Variants in MYO18B observed in about 807,000 individuals in gnomAD.
The protein encoded by MYO18B is myosin XVIIIB.
Under a neutral mutation model 273.0 loss-of-function variants are expected in MYO18B, and 204 were observed. The ratio of observed to expected loss-of-function variants is 0.75; its 90% CI spans 0.67 to 0.84. The LOEUF (loss-of-function observed/expected upper bound fraction) is 0.84, where lower values mean the gene tolerates loss of function less well. Ranked by LOEUF, MYO18B falls within the 40% of genes least tolerant of loss-of-function variation. MYO18B has a pLI of 0.00. For missense variants in MYO18B, 3,212 were observed against 3,287.6 expected (o/e 0.98, Z 0.56); for synonymous variants, 1,330 against 1,305.7 (o/e 1.02, Z -0.40).
At chr22:25,769,947 C>A in intron 4 of MYO18B, 163 bp from the exon 5 acceptor site, 2 of 683,144 alleles carry the variant, frequency 2.9e-6, no homozygotes, top group Non-Finnish European at 2.6e-6. Flanking sequence ...CCCGGGTCCG[C>A]AACGGGAATC....
chr22:25,952,837 C>A, intron 38 of MYO18B, among the ~76,000 whole-genome samples: 1 of 152,232 alleles, frequency 6.6e-6, no homozygotes, highest in Non-Finnish European at 1.5e-5. Flanking sequence ...GCCCAACACT[C>A]ATTTTGAACA....
At chr22:25,847,908 G>GTT (rs367899369) in intron 20 of MYO18B, among the ~76,000 whole-genome samples, 2,014 of 145,394 alleles carry the variant, frequency 0.014, 56 homozygotes, top group African/African-American at 0.047. Flanking sequence ...GAAGCCCACT[G>GTT]TTTTTTTTTT....
chr22:25,763,064 CCT>C (rs763137679), intron 2 of MYO18B, 165 bp from the exon 3 acceptor site: 3 of 805,836 alleles, frequency 3.7e-6, no homozygotes, highest in Non-Finnish European at 6.7e-6. Flanking sequence ...CAGGGACCCC[CCT>C]GAGTCGTGCT....
At chr22:26,062,272 C>G in the MYO18B span, among the ~76,000 whole-genome samples, 5 of 152,218 alleles carry the variant, frequency 3.3e-5, no homozygotes, top group African/African-American at 7.2e-5. Flanking sequence ...AGTTGTGTCC[C>G]CAGTGATTGA....
At chr22:26,045,373 G>GTGTACAAAAGGAGT in the MYO18B span, among the ~76,000 whole-genome samples, 13,771 of 152,116 alleles carry the variant, frequency 0.091, 689 homozygotes, top group Middle Eastern at 0.16. Flanking sequence ...GATGGTGAAA[G>GTGTACAAAAGGAGT]ACAAAAGGTG....
chr22:26,026,384 G>A (rs190701938), intron 42 of MYO18B, 61 bp from the exon 43 acceptor site: 57 of 1,537,250 alleles, frequency 3.7e-5, no homozygotes, highest in South Asian at 2.0e-4. Flanking sequence ...CTCTCACACC[G>A]ATTGCACAAA....
chr22:25,947,658 C>A (rs539512309), intron 35 of MYO18B, 54 bp from the exon 36 acceptor site: 2 of 1,382,600 alleles, frequency 1.4e-6, no homozygotes, highest in South Asian at 1.2e-5. Context: ...CTGGACCTTG[C>A]TGCCCATCCC....
At chr22:25,828,704 TG>T (rs2089587182) in intron 14 of MYO18B, 71 bp from the exon 15 acceptor site, 1 of 1,461,768 alleles carries the variant, frequency 6.8e-7, no homozygotes, top group Non-Finnish European at 9.3e-7. Flanking sequence ...CCAGTTCTGC[TG>T]GAGGCTTGGA....
At chr22:25,947,487 TACACACACACACACACACACACACACAC>T (rs57844236) in intron 35 of MYO18B, among the ~76,000 whole-genome samples, 197 bp from the exon 36 acceptor site, 7 of 110,616 alleles carry the variant, frequency 6.3e-5, no homozygotes, top group African/African-American at 1.0e-4. Flanking sequence ...TAATGCCTAA[TACACACACACACACACACACACACACAC>T]ACACACACAC....
chr22:25,997,303 G>A (rs1290770277), intron 40 of MYO18B, among the ~76,000 whole-genome samples: 3 of 47,716 alleles, frequency 6.3e-5, no homozygotes, highest in South Asian at 1.0e-3. Flanking sequence ...AAACTCTGTC[G>A]CCAAAAAAAA....
the MYO18B span, among the ~76,000 whole-genome samples, chr22:26,050,551 G>A: frequency 6.6e-6 from 1 of 152,178 alleles, no homozygotes; most frequent in Admixed American, 6.5e-5. Flanking sequence ...AAATGGCACT[G>A]ATAGGCTGAG....
At position 25,876,331 on chromosome 22, in the gene MYO18B, A is replaced by G; in HGVS notation, c.4223A>G (p.Glu1408Gly). ...TIGTEQLRAK[E>G]EELTTLRRKL... ...GGAACTGAGCAGCTCCGAGCCAAGG[A>G]GGTCAGTCTATGTGGCAGGCAGGGT... Residue 1408 changes from glutamate to glycine, a missense_variant and splice_region_variant, in exon 24 of 44, where the codon GAG (glutamate) becomes GGG (glycine). Coordinates refer to ENST00000335473, the MANE Select transcript of MYO18B (RefSeq NM_032608.7). The G allele has an allele frequency of 6.2e-7, 1 of 1,609,456 alleles. No homozygotes were observed. The highest frequency in any genetic ancestry group is 8.5e-7 in the Non-Finnish European group (1 of 1,177,310).
At chr22:25,781,072 C>T (rs2145660160) in intron 9 of MYO18B, among the ~76,000 whole-genome samples, 1 of 152,338 alleles carries the variant, frequency 6.6e-6, no homozygotes, top group Admixed American at 6.5e-5. Flanking sequence ...CTTTTCTGTC[C>T]TGGCCCTGAA....
chr22:25,769,644 G>A (rs2086644481), intron 4 of MYO18B, among the ~76,000 whole-genome samples: 1 of 152,166 alleles, frequency 6.6e-6, no homozygotes, highest in East Asian at 1.9e-4. Flanking sequence ...CCTGCCCTGG[G>A]GTGGGAATTC....
intron 38 of MYO18B, 84 bp downstream of exon 38, chr22:25,952,507 C>G (rs1359285650): frequency 2.0e-6 from 3 of 1,525,120 alleles, no homozygotes; most frequent in Non-Finnish European, 2.7e-6. Flanking sequence ...TACTACTCAT[C>G]TATCTACTCA....
intron 13 of MYO18B, among the ~76,000 whole-genome samples, chr22:25,825,384 C>T (rs952135955): frequency 6.6e-5 from 10 of 152,108 alleles, no homozygotes; most frequent in African/African-American, 9.7e-5. Flanking sequence ...GGCACTAGTG[C>T]GCACTGATTT....
intron 21 of MYO18B, among the ~76,000 whole-genome samples, chr22:25,859,299 G>C (rs1229558235): frequency 1.3e-5 from 2 of 152,190 alleles, no homozygotes; most frequent in East Asian, 3.9e-4. Context: ...TTGATTTTCT[G>C]ACTATTATGA....
chr22:25,955,485 G>A, intron 39 of MYO18B, 121 bp downstream of exon 39: 2 of 1,050,252 alleles, frequency 1.9e-6, no homozygotes, highest in South Asian at 4.2e-5. Flanking sequence ...TCAGGGGTGT[G>A]CGGAAAGCCA....
At chr22:25,764,004 C>T (rs1359569713) in intron 3 of MYO18B, among the ~76,000 whole-genome samples, 1 of 152,104 alleles carries the variant, frequency 6.6e-6, no homozygotes, top group Non-Finnish European at 1.5e-5. Flanking sequence ...AACCCTTGGC[C>T]CCCCAAGTGC....
Sources: gnomAD v4.1 joint callset for allele counts (sites outside exome capture counted in the v4.1 genomes callset) on GRCh38, gnomAD v4.1.1 for gene constraint, MANE v1.5 for transcripts, NCBI Gene and HGNC (gene_info 2026-07-23, HGNC 2026-07-21) for gene names.